The following SHANK2 variants were observed in gnomAD, a reference collection of about 807,000 sequenced individuals.
The protein encoded by SHANK2 is SH3 and multiple ankyrin repeat domains 2.
In SHANK2, 43 loss-of-function variants were observed where a neutral mutation model predicts 133.7. The observed-to-expected ratio is 0.32, with a 90% CI of 0.25 to 0.41. The LOEUF is 0.41. Ranked by LOEUF, SHANK2 falls within the 10% of genes least tolerant of loss-of-function variation. SHANK2 has a pLI of 1.00. For synonymous variants in SHANK2, 1,017 were observed against 952.8 expected, an observed-to-expected ratio of 1.07 and a Z score of -1.24; for missense variants, 1,994 against 2,235.8, an observed-to-expected ratio of 0.89 and a Z score of 2.18.
rs1325535921 is a variant in SHANK2 at position 71,175,539 on chromosome 11, GGAGAGGGAGAGGGAGAGAGAGA to G, written c.-12-28223_-12-28202del. Reference sequence around the variant, plus strand: ...GAAACAGACAGACAGACAGACAGAGGGAGAGGGAGAGGGAGAGAGAGAGAGAGAGAGAGAGAGAGAGAGAGAG... The same window carrying G: ...GAAACAGACAGACAGACAGACAGAGGGAGAGAGAGAGAGAGAGAGAGAGAG... On this transcript the variant is annotated intron_variant, in intron 2 of 25. Transcript: ENST00000601538. This position sits in a 1 kb window ranked among gnomAD's most constrained non-coding sequence, Gnocchi z 4.2. 3.5e-4 allele frequency among the ~76,000 whole-genome samples: 28 copies of G among 79,704 alleles called. No individual in the cohort carries two copies. Among genetic ancestry groups the G allele is most frequent in the African/African-American group, 1.4e-3 (26 of 18,444 alleles). 52.3% of individuals were successfully genotyped at this position (79,704 alleles called of 152,430 possible).
chr11:70,948,334 G>C, intron 10 of SHANK2: 1 of 457,274 alleles, frequency 2.2e-6, no homozygotes, highest in Non-Finnish European at 4.4e-6. Flanking sequence ...AGTGTGGTGT[G>C]GCTCACTGAT....
intron 14 of SHANK2, among the ~76,000 whole-genome samples, chr11:70,759,857 T>C (rs1322187345): frequency 3.3e-5 from 5 of 152,208 alleles, no homozygotes; most frequent in Non-Finnish European, 7.3e-5. Flanking sequence ...TAACTATAAC[T>C]GTGATTGGAT....
Position 71,159,241 on chromosome 11 carries a change from T to C in SHANK2, c.-12-11903A>G, listed in dbSNP as rs76829432. Among the ~76,000 whole-genome samples the C allele has an allele frequency of 9.4e-3, 1,436 of 152,356 alleles. 12 individuals carry two copies. Among genetic ancestry groups the C allele is most frequent in the South Asian group, 0.03 (146 of 4,828 alleles). On this transcript the variant is annotated intron_variant, in intron 2 of 25. Coordinates refer to ENST00000601538, the MANE Select transcript of SHANK2 (RefSeq NM_012309.5). ...AATCCACTTCCTTGCCTTTCTCGCA[T>C]GTTGGTGGTGACCTGTACTCTGACA...
intron 17 of SHANK2, among the ~76,000 whole-genome samples, chr11:70,588,349 T>C (rs1289778051): frequency 1.3e-5 from 2 of 152,210 alleles, no homozygotes; most frequent in South Asian, 4.1e-4. Flanking sequence ...GAGGAAGGCA[T>C]GTCAAAAGCT....
chr11:71,179,669 G>T (rs1416910209), intron 2 of SHANK2, among the ~76,000 whole-genome samples: 1 of 152,182 alleles, frequency 6.6e-6, no homozygotes, highest in Non-Finnish European at 1.5e-5. Flanking sequence ...AGACATGATT[G>T]TCCCCATAGA....
chr11:70,470,346 C>G lies in SHANK2; in HGVS notation c.*2523G>C, dbSNP rs935888901. ...GTTAGTGGCATGTGGCTTGGAGTAT[C>G]TTTAAGAAAGGGAATAACATCTGGC... On this transcript the variant is annotated 3_prime_UTR_variant, in exon 26 of 26. Transcript: ENST00000601538. 6.6e-6 allele frequency: 1 copy of G among 152,222 alleles called. No individual in the cohort carries two copies. Among genetic ancestry groups the G allele is most frequent in the Non-Finnish European group, 1.5e-5 (1 of 68,036 alleles). 9.4% of individuals were successfully genotyped at this position (152,222 alleles called of 1,614,324 possible). A position where few individuals can be genotyped will look rare whatever the true frequency, so the allele number is the denominator to read the frequency against.
chr11:70,773,034 C>A (rs1317142977), intron 14 of SHANK2, among the ~76,000 whole-genome samples: 1 of 152,160 alleles, frequency 6.6e-6, no homozygotes, highest in East Asian at 1.9e-4. Flanking sequence ...ACCTCTGGCT[C>A]CTCTAATCCC....
intron 10 of SHANK2, among the ~76,000 whole-genome samples, chr11:70,923,355 G>T (rs1565407929): frequency 6.6e-6 from 1 of 152,164 alleles, no homozygotes; most frequent in East Asian, 1.9e-4. Flanking sequence ...AGATTCTCCT[G>T]CCTCAGCCTC....
chr11:71,207,729 G>A (rs1404022439), intron 2 of SHANK2, among the ~76,000 whole-genome samples: 7 of 152,136 alleles, frequency 4.6e-5, no homozygotes, highest in Admixed American at 3.9e-4. Context: ...GTGTGACCCC[G>A]TCTCTCTCAG....
At chr11:70,541,357 C>T (rs1270436195) in intron 17 of SHANK2, among the ~76,000 whole-genome samples, 3 of 152,190 alleles carry the variant, frequency 2.0e-5, no homozygotes, top group South Asian at 2.1e-4. Context: ...TAGCCACCGG[C>T]CCCCCACCAA....
At chr11:70,775,032 C>T (rs1462525534) in intron 14 of SHANK2, among the ~76,000 whole-genome samples, 1 of 152,060 alleles carries the variant, frequency 6.6e-6, no homozygotes, top group Non-Finnish European at 1.5e-5. Context: ...TGGTGATGCA[C>T]ACCTATAATC....
chr11:71,112,101 A>T (rs1951899722), intron 5 of SHANK2, among the ~76,000 whole-genome samples: 2 of 152,262 alleles, frequency 1.3e-5, no homozygotes, highest in Non-Finnish European at 2.9e-5. Context: ...CAGTGAGCAC[A>T]GTAAGAATCC....
Position 71,251,904 on chromosome 11 carries a change from C to A in SHANK2, c.-113+521G>T, listed in dbSNP as rs181058204. On this transcript the variant is annotated intron_variant, in intron 1 of 25. Coordinates refer to ENST00000601538, the MANE Select transcript of SHANK2 (RefSeq NM_012309.5). ...AGCGGGGTCTCGGGGGACCTGGCGG[C>A]CACGGTTCGGGTCTCCGCCCCCGCG... 2.2e-3 allele frequency among the ~76,000 whole-genome samples: 327 copies of A among 151,990 alleles called. 1 individual carries two copies. The highest frequency in any genetic ancestry group is 7.5e-3 in the African/African-American group (312 of 41,518).
intron 17 of SHANK2, among the ~76,000 whole-genome samples, chr11:70,594,865 C>G (rs1174687937): frequency 6.6e-6 from 1 of 152,174 alleles, no homozygotes; most frequent in Non-Finnish European, 1.5e-5. Flanking sequence ...TCCTCCAGCC[C>G]TGCAGCCCAT....
At chr11:71,098,424 A>C (rs566283695) in intron 6 of SHANK2, among the ~76,000 whole-genome samples, 1 of 152,352 alleles carries the variant, frequency 6.6e-6, no homozygotes, top group South Asian at 2.1e-4. Flanking sequence ...GACTGGTGTC[A>C]ACAAAACCCA....
intron 2 of SHANK2, among the ~76,000 whole-genome samples, chr11:71,184,532 C>T (rs376065719): frequency 2.6e-5 from 4 of 152,142 alleles, no homozygotes; most frequent in Admixed American, 6.5e-5. Flanking sequence ...CTGCTCAACC[C>T]GAGGGCTGGC....
At chr11:70,519,905 ATTTTTTTTTT>A (rs781977357) in intron 17 of SHANK2, among the ~76,000 whole-genome samples, 2 of 121,478 alleles carry the variant, frequency 1.6e-5, no homozygotes, top group African/African-American at 3.1e-5. Context: ...ACCATGCCTA[ATTTTTTTTTT>A]TTTTTTTTTT....
chr11:71,073,172 T>TTTTTTTTTTTTTTTTTTTTTTTG (rs1951171282), intron 9 of SHANK2, among the ~76,000 whole-genome samples: 1 of 101,412 alleles, frequency 9.9e-6, no homozygotes, highest in Non-Finnish European at 2.3e-5. Flanking sequence ...TTTCTTTTTT[T>TTTTTTTTTTTTTTTTTTTTTTTG]TTTTGAGATA....
At chr11:70,653,683 C>T (rs943513449) in intron 17 of SHANK2, among the ~76,000 whole-genome samples, 1 of 152,000 alleles carries the variant, frequency 6.6e-6, no homozygotes, top group Non-Finnish European at 1.5e-5. Context: ...GTGACAGTAG[C>T]AGAATCACCT....
Sources: allele counts gnomAD v4.1 joint callset (sites outside exome capture counted in the v4.1 genomes callset), GRCh38; gene constraint gnomAD v4.1.1; non-coding constraint Gnocchi (gnomAD v3.1); transcripts MANE v1.5; gene names NCBI Gene and HGNC (gene_info 2026-07-23, HGNC 2026-07-21).